Variants in ERP44 observed in about 807,000 individuals in gnomAD.
ERP44 encodes the protein endoplasmic reticulum resident protein 44.
Under a neutral mutation model 53.4 loss-of-function variants are expected in ERP44, and 25 were observed. The ratio of observed to expected loss-of-function variants is 0.47; its 90% CI spans 0.34 to 0.65. ERP44 has a LOEUF of 0.65. ERP44 is among the 30% of genes least tolerant of loss of function. ERP44 has a pLI of 0.01. For missense variants in ERP44, 338 were observed against 493.2 expected (o/e 0.69, Z 2.98); for synonymous variants, 145 against 161.2 (o/e 0.90, Z 0.76).
intron 11 of ERP44, among the ~76,000 whole-genome samples, chr9:99,983,369 C>A (rs1278814237): frequency 6.6e-6 from 1 of 151,550 alleles, no homozygotes; most frequent in Non-Finnish European, 1.5e-5. Flanking sequence ...CAAGGTGAAA[C>A]CCCGTCTCTA....
chr9:100,057,240 A>AT (rs991957950), intron 3 of ERP44, among the ~76,000 whole-genome samples: 9 of 152,152 alleles, frequency 5.9e-5, no homozygotes, highest in South Asian at 2.1e-4. Context: ...CCTTCTTCCT[A>AT]TCTCCATGCC....
chr9:100,000,435 C>CA (rs34304276), intron 10 of ERP44, among the ~76,000 whole-genome samples: 22,749 of 123,834 alleles, frequency 0.18, 2,833 homozygotes, highest in African/African-American at 0.37. Flanking sequence ...GATCCTGTAT[C>CA]AAAAAAAAAA....
intron 1 of ERP44, among the ~76,000 whole-genome samples, chr9:100,088,654 T>C (rs1284095542): frequency 1.3e-5 from 2 of 152,186 alleles, no homozygotes; most frequent in Non-Finnish European, 2.9e-5. Flanking sequence ...CATAAAATCA[T>C]AATAGTAGCA....
chr9:100,037,179 G>A (rs1825854817), intron 4 of ERP44, among the ~76,000 whole-genome samples: 1 of 152,160 alleles, frequency 6.6e-6, no homozygotes, highest in Non-Finnish European at 1.5e-5. Context: ...TTGGGAGAAG[G>A]AGAGCACAGC....
intron 11 of ERP44, among the ~76,000 whole-genome samples, chr9:99,984,161 AATAAGG>A (rs2118595797): frequency 6.6e-6 from 1 of 152,302 alleles, no homozygotes; most frequent in East Asian, 1.9e-4. Context: ...CTCACTCTTA[AATAAGG>A]TAAAGAAAAA....
chr9:99,988,535 T>TA (rs1250063547), intron 10 of ERP44, among the ~76,000 whole-genome samples: 3 of 152,140 alleles, frequency 2.0e-5, no homozygotes, highest in Non-Finnish European at 2.9e-5. Context: ...TTAGCACCTT[T>TA]AAAAAAATCT....
intron 1 of ERP44, among the ~76,000 whole-genome samples, chr9:100,071,674 C>A (rs1826307034): frequency 6.6e-6 from 1 of 152,134 alleles, no homozygotes; most frequent in South Asian, 2.1e-4. Flanking sequence ...AATCCCAGCA[C>A]TTTGGGAGGC....
At chr9:100,084,433 G>A (rs1412349054) in intron 1 of ERP44, among the ~76,000 whole-genome samples, 1 of 152,156 alleles carries the variant, frequency 6.6e-6, no homozygotes, top group Non-Finnish European at 1.5e-5. Flanking sequence ...ACTTTTAAAT[G>A]ATTTCCAACC....
Position 99,979,744 on chromosome 9 carries a change from A to C in ERP44, c.*2868T>G, listed in dbSNP as rs1005085168. 9 of 385,328 alleles carry C rather than the reference A, an allele frequency of 2.3e-5. No individual in the cohort carries two copies. Among genetic ancestry groups the C allele is most frequent in the Non-Finnish European group, 3.7e-5 (8 of 218,168 alleles). The allele number at this position is 385,328 out of a possible 1,614,324, so 23.9% of individuals were successfully genotyped here. A position where few individuals can be genotyped will look rare whatever the true frequency, so the allele number is the denominator to read the frequency against. ...CCCAGCTGAGAAGCCTGAGGCCCCGAGTAGATCAGATAAACCGGGGAAGAC... is the reference window on the plus strand; with the variant it reads ...CCCAGCTGAGAAGCCTGAGGCCCCGCGTAGATCAGATAAACCGGGGAAGAC... On this transcript the variant is annotated 3_prime_UTR_variant, in exon 12 of 12. Coordinates refer to ENST00000262455, the MANE Select transcript of ERP44 (RefSeq NM_015051.3).
At chr9:99,989,089 A>C (rs1263462869) in intron 10 of ERP44, among the ~76,000 whole-genome samples, 12 of 152,214 alleles carry the variant, frequency 7.9e-5, no homozygotes, top group Non-Finnish European at 2.9e-5. Flanking sequence ...GCCTCTGTAG[A>C]CACCACCTCT....
Position 99,985,071 on chromosome 9 carries a change from T to G in ERP44, c.1017-2A>C. Reference sequence around the variant, plus strand: ...AATTGCTTGAGTTTTCCAGGAATTCTAAAACCAGAGTCAAATAAAATGTAA... The same window carrying G: ...AATTGCTTGAGTTTTCCAGGAATTCGAAAACCAGAGTCAAATAAAATGTAA... On this transcript the variant is annotated splice_acceptor_variant, in intron 10 of 11. Transcript: ENST00000262455. LOFTEE classifies it high-confidence loss of function. 6.3e-7 allele frequency: 1 copy of G among 1,581,654 alleles called. No homozygotes were observed. Among genetic ancestry groups the G allele is most frequent in the Non-Finnish European group, 8.7e-7 (1 of 1,150,744 alleles).
At chr9:100,075,225 C>T (rs918912766) in intron 1 of ERP44, among the ~76,000 whole-genome samples, 1 of 152,208 alleles carries the variant, frequency 6.6e-6, no homozygotes, top group East Asian at 1.9e-4. Context: ...GTAAGCTTAA[C>T]CAAGTGGTAA....
At chr9:100,083,003 T>C (rs546152296) in intron 1 of ERP44, among the ~76,000 whole-genome samples, 125 of 151,934 alleles carry the variant, frequency 8.2e-4, no homozygotes, top group African/African-American at 2.2e-3. Flanking sequence ...CCATAAAAGA[T>C]TGATGAAACC....
At chr9:100,063,047 C>G (rs1022581817) in intron 1 of ERP44, among the ~76,000 whole-genome samples, 4 of 94,138 alleles carry the variant, frequency 4.2e-5, no homozygotes, top group African/African-American at 1.6e-4. Context: ...GCACTCCAGC[C>G]TGGATGACAG....
chr9:100,012,819 A>G (rs1323256915), intron 8 of ERP44, among the ~76,000 whole-genome samples: 2 of 152,330 alleles, frequency 1.3e-5, no homozygotes, highest in East Asian at 1.9e-4. Flanking sequence ...TCAGCTAAAA[A>G]TCCTGGACAT....
In ERP44 at chr9:100,060,197, T is replaced by C. The variant is rs981319434; in HGVS notation, c.58-25A>G. On this transcript the variant is annotated intron_variant, in intron 1 of 11. Transcript: ENST00000262455. ...CCTGAAAATTTAAAAAATGAGAAAT[T>C]AATAAATGTGTCCACAAAAGACAAA... is the stretch of plus-strand genomic sequence containing the variant. 3.4e-6 allele frequency: 5 copies of C among 1,463,972 alleles called. No individual in the cohort carries two copies. The African/African-American group carries it at 7.3e-5, about 21-fold the overall frequency. 90.7% of individuals were successfully genotyped at this position (1,463,972 alleles called of 1,614,324 possible).
chr9:100,090,811 G>A (rs1299176717), intron 1 of ERP44, among the ~76,000 whole-genome samples: 1 of 151,652 alleles, frequency 6.6e-6, no homozygotes, highest in Non-Finnish European at 1.5e-5. Flanking sequence ...AGTGCGTACT[G>A]TCTATAGGAC....
chr9:99,988,413 T>A (rs1430342723), intron 10 of ERP44, among the ~76,000 whole-genome samples: 1 of 152,236 alleles, frequency 6.6e-6, no homozygotes, highest in Non-Finnish European at 1.5e-5. Context: ...TATAGGTACA[T>A]GATAAATTCT....
chr9:100,004,737 T>A (rs761845901), intron 10 of ERP44, among the ~76,000 whole-genome samples: 5 of 152,204 alleles, frequency 3.3e-5, no homozygotes, highest in Non-Finnish European at 5.9e-5. Context: ...TCTCAGGTAC[T>A]ACTATCTCTG....
Sources: gnomAD v4.1 joint callset for allele counts (sites outside exome capture counted in the v4.1 genomes callset) on GRCh38, gnomAD v4.1.1 for gene constraint, MANE v1.5 for transcripts, NCBI Gene and HGNC (gene_info 2026-07-23, HGNC 2026-07-21) for gene names.